Variants in PRKACB observed in about 807,000 individuals in gnomAD.
PRKACB encodes the protein cAMP-dependent protein kinase catalytic subunit beta.
PRKACB carries 16 observed loss-of-function variants against 51.4 expected under a neutral mutation model. The ratio of observed to expected loss-of-function variants is 0.31; its 90% CI spans 0.21 to 0.47. The LOEUF (loss-of-function observed/expected upper bound fraction) is 0.47. PRKACB is among the 20% of genes least tolerant of loss of function. PRKACB has a pLI of 1.00. For synonymous variants in PRKACB, 147 were observed against 154.4 expected, an observed-to-expected ratio of 0.95 and a Z score of 0.35; for missense variants, 309 against 464.5, an observed-to-expected ratio of 0.67 and a Z score of 3.08.
chr1:84,212,085 A>C (rs1372206208), intron 8 of PRKACB, among the ~76,000 whole-genome samples: 1 of 152,208 alleles, frequency 6.6e-6, no homozygotes, highest in East Asian at 1.9e-4. Flanking sequence ...TTCAATTTAC[A>C]GTACTGTATT....
intron 1 of PRKACB, among the ~76,000 whole-genome samples, chr1:84,134,075 GTC>G (rs781773781): frequency 2.9e-4 from 44 of 152,152 alleles, no homozygotes; most frequent in Admixed American, 2.7e-3. Context: ...TCCCCTTGAA[GTC>G]TCTCTGGCTA....
At chr1:84,215,883 T>C (rs992571067) in intron 9 of PRKACB, among the ~76,000 whole-genome samples, 1 of 152,182 alleles carries the variant, frequency 6.6e-6, no homozygotes, top group Non-Finnish European at 1.5e-5. Context: ...TTTTCTTCTT[T>C]TTTTTCATAA....
intron 2 of PRKACB, among the ~76,000 whole-genome samples, chr1:84,180,183 G>GATAT (rs3051182): frequency 0.038 from 1,214 of 32,040 alleles, 165 homozygotes; most frequent in African/African-American, 0.06. Flanking sequence ...AAGAAACTGT[G>GATAT]ATATATATAT....
chr1:84,199,277 A>C (rs1194847660), intron 7 of PRKACB, among the ~76,000 whole-genome samples: 1 of 151,768 alleles, frequency 6.6e-6, no homozygotes, highest in African/African-American at 2.4e-5. Context: ...ACCCATAGTT[A>C]TCTTTTCTTA....
intron 4 of PRKACB, 92 bp downstream of exon 4, chr1:84,184,227 T>A: frequency 1.9e-6 from 2 of 1,069,308 alleles, no homozygotes; most frequent in Non-Finnish European, 2.6e-6. Flanking sequence ...ATGATAAGCC[T>A]GAAGAATATG....
intron 9 of PRKACB, among the ~76,000 whole-genome samples, chr1:84,227,649 TA>T (rs1396035724): frequency 6.6e-6 from 1 of 152,186 alleles, no homozygotes; most frequent in African/African-American, 2.4e-5. Context: ...TCCCAGGTAG[TA>T]AACAGGTAAC....
intron 8 of PRKACB, chr1:84,205,115 A>T: frequency 1.0e-6 from 1 of 982,186 alleles, no homozygotes. Context: ...TTTGTTTTTT[A>T]ACTAAAAGTA....
chr1:84,162,665 C>T (rs1656351503), intron 1 of PRKACB, among the ~76,000 whole-genome samples: 1 of 151,962 alleles, frequency 6.6e-6, no homozygotes, highest in South Asian at 2.1e-4. Context: ...TTGAAAGTTT[C>T]TATATGTTGT....
chr1:84,228,413 G>C lies in PRKACB; in HGVS notation c.1072-6767G>C, dbSNP rs141946523. On this transcript the variant is annotated intron_variant, in intron 9 of 9. Transcript: ENST00000370685. ...TCGACTCTTTTATAATCTGTAAAAT[G>C]GGAGTAAGAACACCAGTCCTTCCTT... Among the ~76,000 whole-genome samples the C allele has an allele frequency of 8.4e-3, 1,274 of 152,242 alleles. 26 individuals are homozygous for C. The highest frequency in any genetic ancestry group is 0.029 in the African/African-American group (1,225 of 41,554).
intron 1 of PRKACB, among the ~76,000 whole-genome samples, chr1:84,114,944 A>G (rs895041758): frequency 6.6e-6 from 1 of 152,338 alleles, no homozygotes; most frequent in African/African-American, 2.4e-5. Context: ...AAACTGGTGA[A>G]CATTTAGTTT....
intron 5 of PRKACB, among the ~76,000 whole-genome samples, chr1:84,187,126 A>G (rs778101184): frequency 3.3e-5 from 5 of 152,180 alleles, no homozygotes; most frequent in African/African-American, 4.8e-5. Flanking sequence ...ATAGCCATTG[A>G]CTAACATTTT....
chr1:84,150,513 T>G (rs1654720665), intron 1 of PRKACB, among the ~76,000 whole-genome samples: 1 of 152,074 alleles, frequency 6.6e-6, no homozygotes, highest in Non-Finnish European at 1.5e-5. Context: ...GTTTGGGTCA[T>G]GGGGGAGGAT....
At chr1:84,180,208 A>ATATATGTG (rs933229907) in intron 2 of PRKACB, among the ~76,000 whole-genome samples, 6 of 129,942 alleles carry the variant, frequency 4.6e-5, no homozygotes, top group African/African-American at 1.6e-4. Flanking sequence ...ATATATATAT[A>ATATATGTG]TGTATGATGG....
Position 84,144,506 on chromosome 1 carries a change from A to T in PRKACB, c.145A>T (p.Ser49Cys). 6.2e-7 allele frequency: 1 copy of T among 1,610,944 alleles called. No individual in the cohort carries two copies. The highest frequency in any genetic ancestry group is 8.5e-7 in the Non-Finnish European group (1 of 1,178,924). The change falls in exon 1 of 10, where the codon AGC becomes TGC. Residue 49 changes from serine (S) to cysteine (C), a missense_variant. Coordinates refer to ENST00000370685, the MANE Select transcript of PRKACB (RefSeq NM_182948.4). ...TCAGAAAACAGCTCTGGAAAATGAC[A>T]GCCTTCATTTCTCTGAACATACTGC... ...HDQKTALEND[S>C]LHFSEHTALW... is the part of the protein sequence containing the mutation.
intron 1 of PRKACB, among the ~76,000 whole-genome samples, chr1:84,098,431 T>C (rs1261324506): frequency 2.0e-5 from 3 of 152,106 alleles, no homozygotes. Context: ...ATAGTTTCTT[T>C]TGTTCTTCTA....
intron 1 of PRKACB, among the ~76,000 whole-genome samples, chr1:84,148,394 T>A (rs1654402608): frequency 6.6e-6 from 1 of 151,612 alleles, no homozygotes; most frequent in African/African-American, 2.4e-5. Flanking sequence ...ATACTATATA[T>A]ATTATAGTTT....
intron 5 of PRKACB, 75 bp from the exon 6 acceptor site, chr1:84,196,541 T>G: frequency 6.9e-7 from 1 of 1,447,488 alleles, no homozygotes; most frequent in Non-Finnish European, 9.3e-7. Context: ...TTCATATTAG[T>G]TTTTATGCAT....
intron 1 of PRKACB, among the ~76,000 whole-genome samples, chr1:84,089,802 C>A (rs1380512697): frequency 6.6e-6 from 1 of 152,080 alleles, no homozygotes; most frequent in East Asian, 1.9e-4. Flanking sequence ...ATCACAATTT[C>A]CTCTCCTTTT....
chr1:84,129,184 G>A (rs1651925621), intron 1 of PRKACB, among the ~76,000 whole-genome samples: 1 of 151,760 alleles, frequency 6.6e-6, no homozygotes. Context: ...CATTGTTTTT[G>A]CATATTGTAT....
Sources: gnomAD v4.1 joint callset for allele counts (sites outside exome capture counted in the v4.1 genomes callset) on GRCh38, gnomAD v4.1.1 for gene constraint, MANE v1.5 for transcripts, NCBI Gene and HGNC (gene_info 2026-07-23, HGNC 2026-07-21) for gene names.